Variants in CTNNA3 observed in about 807,000 individuals in gnomAD.
CTNNA3 encodes catenin alpha 3.
CTNNA3 carries 76 observed loss-of-function variants against 95.7 expected under a neutral mutation model. The observed-to-expected ratio is 0.79, with a 90% CI of 0.66 to 0.96. CTNNA3 has a LOEUF of 0.96. CTNNA3 is among the 40% of genes least tolerant of loss of function. CTNNA3 has a pLI of 0.00. For synonymous variants in CTNNA3, 431 were observed against 374.4 expected, an observed-to-expected ratio of 1.15 and a Z score of -1.74; for missense variants, 1,191 against 1,089.8, an observed-to-expected ratio of 1.09 and a Z score of -1.31.
intron 13 of CTNNA3, among the ~76,000 whole-genome samples, chr10:66,139,850 A>G (rs1459724307): frequency 1.3e-5 from 2 of 152,130 alleles, no homozygotes; most frequent in Non-Finnish European, 2.9e-5. Flanking sequence ...AGAAGGGAAT[A>G]TCCTGGGTTG....
chr10:67,210,635 C>A (rs1376483305), intron 6 of CTNNA3, among the ~76,000 whole-genome samples: 1 of 151,782 alleles, frequency 6.6e-6, no homozygotes, highest in Non-Finnish European at 1.5e-5. Context: ...TTTTGTGGAT[C>A]CATTTTGGAT....
At chr10:67,154,560 A>C (rs775037610) in intron 7 of CTNNA3, among the ~76,000 whole-genome samples, 9 of 152,382 alleles carry the variant, frequency 5.9e-5, no homozygotes, top group Middle Eastern at 3.4e-3. Context: ...CTTGAAGATT[A>C]GAATAAAACG....
intron 6 of CTNNA3, among the ~76,000 whole-genome samples, chr10:67,204,372 C>A (rs909601729): frequency 2.0e-5 from 3 of 147,792 alleles, no homozygotes; most frequent in Non-Finnish European, 4.4e-5. Flanking sequence ...TATGGCACCT[C>A]CCCCCCTCTC....
intron 14 of CTNNA3, among the ~76,000 whole-genome samples, chr10:66,072,534 T>C (rs764404583): frequency 5.9e-5 from 9 of 152,044 alleles, no homozygotes; most frequent in African/African-American, 9.7e-5. Flanking sequence ...CACCTCTACC[T>C]CCTAGATTCA....
chr10:67,474,717 C>A (rs1482602417), intron 5 of CTNNA3, among the ~76,000 whole-genome samples: 1 of 152,110 alleles, frequency 6.6e-6, no homozygotes, highest in Non-Finnish European at 1.5e-5. Context: ...CAATGAGATA[C>A]CACTAAATTC....
At chr10:66,685,675 A>T (rs954662927) in intron 9 of CTNNA3, among the ~76,000 whole-genome samples, 7 of 151,578 alleles carry the variant, frequency 4.6e-5, no homozygotes, top group African/African-American at 1.7e-4. Flanking sequence ...CCAGGCCAAG[A>T]ACCATATTTT....
intron 5 of CTNNA3, among the ~76,000 whole-genome samples, chr10:67,479,461 C>T (rs1848138111): frequency 6.6e-6 from 1 of 152,046 alleles, no homozygotes; most frequent in South Asian, 2.1e-4. Flanking sequence ...CTCAAAACCA[C>T]ACAAGTATAT....
chr10:66,416,204 G>A (rs1298046321), intron 11 of CTNNA3, among the ~76,000 whole-genome samples: 1 of 151,928 alleles, frequency 6.6e-6, no homozygotes, highest in Non-Finnish European at 1.5e-5. Flanking sequence ...TAGACTAGAT[G>A]AAGCAGACAA....
chr10:66,990,110 T>A (rs771068102), intron 7 of CTNNA3, among the ~76,000 whole-genome samples: 1 of 152,204 alleles, frequency 6.6e-6, no homozygotes, highest in Non-Finnish European at 1.5e-5. Context: ...TAAGAGTTTA[T>A]ACTCAAGCTT....
intron 9 of CTNNA3, among the ~76,000 whole-genome samples, chr10:66,635,653 A>G (rs1845308395): frequency 6.6e-6 from 1 of 152,110 alleles, no homozygotes; most frequent in African/African-American, 2.4e-5. Context: ...TTGAATTGCA[A>G]TTGTGTAAAC....
chr10:66,076,167 G>T lies in CTNNA3; in HGVS notation c.1978-6678C>A, dbSNP rs180776537. 5.0e-3 allele frequency among the ~76,000 whole-genome samples: 752 copies of T among 151,726 alleles called. 9 individuals carry two copies. The highest frequency in any genetic ancestry group is 0.017 in the African/African-American group (722 of 41,498). On this transcript the variant is annotated intron_variant, in intron 14 of 17. Transcript: ENST00000433211. ...TAACTCATGTTCTTACCTTCAGCGTGTCTCAAATTTAATAGTGACATGTAC... is the reference window on the plus strand; with the variant it reads ...TAACTCATGTTCTTACCTTCAGCGTTTCTCAAATTTAATAGTGACATGTAC...
intron 11 of CTNNA3, among the ~76,000 whole-genome samples, chr10:66,518,203 A>G (rs1405732919): frequency 2.6e-5 from 4 of 152,160 alleles, no homozygotes; most frequent in Non-Finnish European, 5.9e-5. Flanking sequence ...GAATATCGGT[A>G]TATCAGGTTA....
At chr10:67,266,654 G>A (rs1214940273) in intron 5 of CTNNA3, among the ~76,000 whole-genome samples, 2 of 152,112 alleles carry the variant, frequency 1.3e-5, no homozygotes, top group Non-Finnish European at 2.9e-5. Context: ...TAACTTTGTG[G>A]AGATGAGTAA....
chr10:66,564,987 C>T (rs1193522576), intron 10 of CTNNA3, among the ~76,000 whole-genome samples: 1 of 152,124 alleles, frequency 6.6e-6, no homozygotes, highest in African/African-American at 2.4e-5. Context: ...CTCTGCCTTT[C>T]GTATGCATAT....
intron 11 of CTNNA3, among the ~76,000 whole-genome samples, chr10:66,517,488 C>G (rs1402353491): frequency 1.3e-5 from 2 of 152,184 alleles, no homozygotes; most frequent in East Asian, 3.9e-4. Context: ...GTGACCTCTG[C>G]TCATCCTCAC....
intron 5 of CTNNA3, among the ~76,000 whole-genome samples, chr10:67,406,070 G>C (rs1845128195): frequency 6.6e-6 from 1 of 152,114 alleles, no homozygotes. Context: ...TCTCAGGAGA[G>C]CTGATGGTTT....
intron 17 of CTNNA3, among the ~76,000 whole-genome samples, chr10:65,943,606 C>T (rs1020689150): frequency 2.0e-5 from 3 of 152,062 alleles, no homozygotes; most frequent in Admixed American, 1.3e-4. Context: ...GCTTGTGGAC[C>T]CATGGACACA....
At chr10:66,565,644 G>A (rs1032183458) in intron 10 of CTNNA3, among the ~76,000 whole-genome samples, 2 of 152,126 alleles carry the variant, frequency 1.3e-5, no homozygotes, top group African/African-American at 2.4e-5. Context: ...ATGGAGTCGC[G>A]CCTGAGGTTG....
chr10:66,617,692 T>G (rs553690752), intron 10 of CTNNA3, among the ~76,000 whole-genome samples: 2 of 152,092 alleles, frequency 1.3e-5, no homozygotes, highest in African/African-American at 2.4e-5. Flanking sequence ...TTCAACATAG[T>G]GTTGGAAGTT....
Sources: allele counts gnomAD v4.1 joint callset (sites outside exome capture counted in the v4.1 genomes callset), GRCh38; gene constraint gnomAD v4.1.1; transcripts MANE v1.5; gene names NCBI Gene and HGNC (gene_info 2026-07-23, HGNC 2026-07-21).